RAP1A: variants seen among roughly 807,000 people sequenced by gnomAD.
RAP1A encodes the protein RAP1A, member of RAS oncogene family, also known as ras-related protein Rap-1A.
Under a neutral mutation model 26.4 loss-of-function variants are expected in RAP1A, and 6 were observed. That is an observed-to-expected ratio of 0.23 (90% CI 0.12 to 0.45). The LOEUF (loss-of-function observed/expected upper bound fraction) is 0.45. RAP1A is among the 20% of genes least tolerant of loss of function. RAP1A has a pLI of 0.99. For missense variants in RAP1A, 121 were observed against 217.2 expected (o/e 0.56, Z 2.78); for synonymous variants, 73 against 79.4 (o/e 0.92, Z 0.43).
intron 4 of RAP1A, among the ~76,000 whole-genome samples, chr1:111,699,169 A>C (rs1324194366): frequency 6.6e-6 from 1 of 152,028 alleles, no homozygotes; most frequent in Non-Finnish European, 1.5e-5. Flanking sequence ...CTTGTCTCAA[A>C]ATCACTCCTT....
chr1:111,657,136 A>G (rs1660486734), intron 1 of RAP1A, among the ~76,000 whole-genome samples: 1 of 152,202 alleles, frequency 6.6e-6, no homozygotes, highest in South Asian at 2.1e-4. Context: ...CAAAGAACAC[A>G]TCAAGGTTGA....
At chr1:111,649,810 T>C (rs1362203151) in intron 1 of RAP1A, among the ~76,000 whole-genome samples, 1 of 152,188 alleles carries the variant, frequency 6.6e-6, no homozygotes, top group Non-Finnish European at 1.5e-5. Context: ...CTTAGGTTCC[T>C]AAGACCTGGA....
At chr1:111,668,949 G>A (rs1196625867) in intron 1 of RAP1A, among the ~76,000 whole-genome samples, 2 of 149,644 alleles carry the variant, frequency 1.3e-5, no homozygotes, top group Non-Finnish European at 3.0e-5. Flanking sequence ...AGGATCCCTT[G>A]AGTCCAGGAG....
intron 1 of RAP1A, among the ~76,000 whole-genome samples, chr1:111,637,142 A>T (rs956011757): frequency 7.2e-5 from 11 of 152,172 alleles, no homozygotes; most frequent in African/African-American, 2.7e-4. Context: ...ATTTTTAAAA[A>T]ATGGTTTGTA....
At chr1:111,633,847 C>A (rs956509916) in intron 1 of RAP1A, among the ~76,000 whole-genome samples, 1 of 152,202 alleles carries the variant, frequency 6.6e-6, no homozygotes, top group African/African-American at 2.4e-5. Flanking sequence ...TCCTAATATT[C>A]CCATTAGGCT....
intron 1 of RAP1A, among the ~76,000 whole-genome samples, chr1:111,614,648 C>T (rs572583794): frequency 3.3e-5 from 5 of 152,262 alleles, no homozygotes; most frequent in African/African-American, 1.2e-4. Context: ...GTCTGAACTT[C>T]ATGTTAGAAA....
intron 1 of RAP1A, chr1:111,650,665 G>GT (rs1311595284): frequency 6.6e-6 from 1 of 152,134 alleles, no homozygotes; most frequent in Non-Finnish European, 1.5e-5. Flanking sequence ...TGGTACATAT[G>GT]TTACAGCTGA....
At chr1:111,624,177 A>G (rs1412694671) in intron 1 of RAP1A, among the ~76,000 whole-genome samples, 1 of 152,190 alleles carries the variant, frequency 6.6e-6, no homozygotes, top group African/African-American at 2.4e-5. Flanking sequence ...ATTTCCAAGA[A>G]TTTTTTGCTT....
chr1:111,569,215 A>G (rs1009835656), intron 1 of RAP1A, among the ~76,000 whole-genome samples: 1 of 152,050 alleles, frequency 6.6e-6, no homozygotes, highest in African/African-American at 2.4e-5. Flanking sequence ...AGCCTGAGCA[A>G]CATAGTGAAA....
At chr1:111,648,665 T>G in intron 1 of RAP1A, 1 of 531,132 alleles carries the variant, frequency 1.9e-6, no homozygotes. Flanking sequence ...GGTCAATCTT[T>G]AAGGACTGGA....
chr1:111,694,668 G>A (rs1661774017), intron 2 of RAP1A, among the ~76,000 whole-genome samples: 1 of 152,178 alleles, frequency 6.6e-6, no homozygotes, highest in Non-Finnish European at 1.5e-5. Context: ...AATCTCAGCT[G>A]GCAAATAGGA....
chr1:111,587,689 G>A (rs1658402473), intron 1 of RAP1A, among the ~76,000 whole-genome samples: 1 of 151,848 alleles, frequency 6.6e-6, no homozygotes, highest in Non-Finnish European at 1.5e-5. Flanking sequence ...TATTATTGTT[G>A]CCTCCACTTT....
At chr1:111,623,984 C>T (rs900023931) in intron 1 of RAP1A, among the ~76,000 whole-genome samples, 2 of 152,106 alleles carry the variant, frequency 1.3e-5, no homozygotes, top group African/African-American at 4.8e-5. Context: ...TCTCGTGATT[C>T]TAAAATTCTC....
At position 111,660,381 on chromosome 1, in the gene RAP1A, G is replaced by C. The variant is rs144859021; in HGVS notation, c.-27-30953G>C. 3.9e-3 allele frequency among the ~76,000 whole-genome samples: 597 copies of C among 152,200 alleles called. 5 individuals are homozygous for C. Among genetic ancestry groups the C allele is most frequent in the Non-Finnish European group, 6.8e-3 (462 of 67,990 alleles). On this transcript the variant is annotated intron_variant, in intron 1 of 7. Transcript: ENST00000369709. ...GCAGTCTGAAATATACCTAAGTGTA[G>C]ATGTTTTGGCATTTATCTTGGTTAG...
intron 7 of RAP1A, among the ~76,000 whole-genome samples, chr1:111,712,045 G>A (rs2101320057): frequency 6.6e-6 from 1 of 152,178 alleles, no homozygotes; most frequent in South Asian, 2.1e-4. Flanking sequence ...ATGGAGGCAG[G>A]TGTGTCCTTC....
At chr1:111,621,828 C>T (rs1442998037) in intron 1 of RAP1A, among the ~76,000 whole-genome samples, 3 of 152,126 alleles carry the variant, frequency 2.0e-5, no homozygotes, top group African/African-American at 7.2e-5. Context: ...GATGGAATCC[C>T]TCAGTGTTAC....
chr1:111,691,523 A>G lies in RAP1A; in HGVS notation c.57+106A>G, dbSNP rs546487706. ...GCCAAAGAGAAAAGGTGGCATTATT[A>G]TATATCTGATATCTGTCCCACAAAG... On this transcript the variant is annotated intron_variant, in intron 2 of 7. Coordinates refer to ENST00000369709, the MANE Select transcript of RAP1A (RefSeq NM_002884.4). 1.3e-3 allele frequency: 1,200 copies of G among 934,244 alleles called. 2 individuals carry two copies. Among genetic ancestry groups the G allele is most frequent in the Non-Finnish European group, 1.7e-3 (1,026 of 589,154 alleles). 57.9% of individuals were successfully genotyped at this position (934,244 alleles called of 1,614,324 possible). A position where few individuals can be genotyped will look rare whatever the true frequency, so the allele number is the denominator to read the frequency against.
At chr1:111,563,823 C>T in intron 1 of RAP1A, 2 of 1,596,590 alleles carry the variant, frequency 1.3e-6, no homozygotes, top group Non-Finnish European at 8.6e-7. Context: ...CTCCCAGCAG[C>T]TATATTTTCT....
chr1:111,632,034 T>G (rs1421537349), intron 1 of RAP1A, among the ~76,000 whole-genome samples: 2 of 152,192 alleles, frequency 1.3e-5, no homozygotes, highest in Non-Finnish European at 2.9e-5. Context: ...GGAATTACAG[T>G]AGTCCAAATG....
Sources: gnomAD v4.1 joint callset for allele counts (sites outside exome capture counted in the v4.1 genomes callset) on GRCh38, gnomAD v4.1.1 for gene constraint, MANE v1.5 for transcripts, NCBI Gene and HGNC (gene_info 2026-07-23, HGNC 2026-07-21) for gene names.